Variants in IFT57 observed in about 807,000 individuals in gnomAD.
IFT57 encodes intraflagellar transport 57, also known as intraflagellar transport protein 57 homolog.
A neutral mutation model predicts 56.8 loss-of-function variants in IFT57; 59 were observed. The observed-to-expected ratio is 1.04, with a 90% CI of 0.84 to 1.29. The LOEUF (loss-of-function observed/expected upper bound fraction) is 1.29, where lower values mean the gene tolerates loss of function less well. Ranked by LOEUF, IFT57 falls within the 50% of genes most tolerant of loss-of-function variation. IFT57 has a pLI of 0.00. For synonymous variants in IFT57, 209 were observed against 186.1 expected, an observed-to-expected ratio of 1.12 and a Z score of -1.00; for missense variants, 470 against 522.1, an observed-to-expected ratio of 0.90 and a Z score of 0.97.
chr3:108,203,712 C>T (rs2080292537), intron 5 of IFT57, among the ~76,000 whole-genome samples: 1 of 152,144 alleles, frequency 6.6e-6, no homozygotes, highest in Admixed American at 6.5e-5. Flanking sequence ...GAAAAAGCTC[C>T]TGCTCCAGTG....
intron 6 of IFT57, among the ~76,000 whole-genome samples, chr3:108,179,390 G>A (rs2080140340): frequency 6.6e-6 from 1 of 151,866 alleles, no homozygotes; most frequent in Non-Finnish European, 1.5e-5. Context: ...AGAAGGAGGT[G>A]CACATATCTA....
Position 108,161,325 on chromosome 3 carries a change from T to C in IFT57, c.*1152A>G, listed in dbSNP as rs371599797. On this transcript the variant is annotated 3_prime_UTR_variant, in exon 11 of 11. Transcript: ENST00000264538. ...ACACTTTCTCCTGTCTAAACTTATC[T>C]TAAACTAAAGAGAGGTCTAGTAAGG... 139 of 152,154 alleles carry C rather than the reference T, an allele frequency of 9.1e-4. 2 individuals carry two copies. Among genetic ancestry groups the C allele is most frequent in the African/African-American group, 3.2e-3 (132 of 41,524 alleles). 9.4% of individuals were successfully genotyped at this position (152,154 alleles called of 1,614,324 possible).
Position 108,219,434 on chromosome 3 carries a change from G to A in IFT57, c.351C>T (p.Asn117=), listed in dbSNP as rs759862251. ...EYDDPNATIS[N]ILSELRSFGR... is the part of the protein sequence containing the mutation. ...CAAATGACCGAAGCTCGGATAGTAT[G>A]TTAGATATTGTTGCATTAGGGTCAT... The change falls in exon 2 of 11, where the codon AAC becomes AAT. Residue 117 remains asparagine (N), a synonymous_variant. Coordinates refer to ENST00000264538, the MANE Select transcript of IFT57 (RefSeq NM_018010.4). The A allele has an allele frequency of 6.2e-7, 1 of 1,613,414 alleles. No homozygotes were observed. The highest frequency in any genetic ancestry group is 1.3e-5 in the African/African-American group (1 of 74,898).
chr3:108,180,447 A>AC (rs1318250684), intron 6 of IFT57, among the ~76,000 whole-genome samples: 2 of 151,966 alleles, frequency 1.3e-5, no homozygotes, highest in African/African-American at 4.8e-5. Context: ...ATGCTGAGTA[A>AC]CCACAGTGGA....
rs1015352622 is a variant in IFT57, at chr3:108,161,489, C to T, written c.*988G>A. ...TTAAAATTATTTTTGTTGTCCTAAA[C>T]ATAAAGCATTCTTATCAAATTTTCT... On this transcript the variant is annotated 3_prime_UTR_variant, in exon 11 of 11. Transcript: ENST00000264538. 9.2e-5 allele frequency: 14 copies of T among 151,680 alleles called. 1 individual carries two copies. In the South Asian group the frequency reaches 2.7e-3, roughly 29 times the overall value. The allele number at this position is 151,680 out of a possible 1,614,324, so 9.4% of individuals were successfully genotyped here. A position where few individuals can be genotyped will look rare whatever the true frequency, so the allele number is the denominator to read the frequency against.
At chr3:108,177,737 A>T (rs2108312581) in intron 6 of IFT57, among the ~76,000 whole-genome samples, 1 of 151,966 alleles carries the variant, frequency 6.6e-6, no homozygotes, top group Middle Eastern at 3.4e-3. Context: ...TTTCTAAAAG[A>T]CATAAAGATA....
intron 6 of IFT57, among the ~76,000 whole-genome samples, chr3:108,184,482 G>C (rs2080168851): frequency 6.6e-6 from 1 of 151,826 alleles, no homozygotes; most frequent in Non-Finnish European, 1.5e-5. Context: ...AATATACATA[G>C]ATACTAGTCT....
At chr3:108,212,456 G>T (rs1000769312) in intron 4 of IFT57, among the ~76,000 whole-genome samples, 4 of 151,966 alleles carry the variant, frequency 2.6e-5, no homozygotes, top group Non-Finnish European at 5.9e-5. Flanking sequence ...CTTCTTCTCT[G>T]GCCATGTGAG....
At chr3:108,185,576 T>TC (rs1326703543) in intron 6 of IFT57, among the ~76,000 whole-genome samples, 2 of 147,490 alleles carry the variant, frequency 1.4e-5, no homozygotes, top group Non-Finnish European at 3.0e-5. Flanking sequence ...TTTTTTTTTT[T>TC]TGAGATGGAG....
intron 6 of IFT57, among the ~76,000 whole-genome samples, chr3:108,184,881 A>C (rs2080172459): frequency 6.6e-6 from 1 of 152,162 alleles, no homozygotes; most frequent in Non-Finnish European, 1.5e-5. Context: ...CATGTTTAGC[A>C]TAAACCCTGA....
chr3:108,178,683 A>C (rs953169262), intron 6 of IFT57, among the ~76,000 whole-genome samples: 8 of 151,936 alleles, frequency 5.3e-5, no homozygotes, highest in African/African-American at 1.9e-4. Flanking sequence ...TTAAAATGAC[A>C]ATGAGATATC....
intron 6 of IFT57, among the ~76,000 whole-genome samples, chr3:108,168,874 T>C (rs774445397): frequency 2.0e-5 from 3 of 152,096 alleles, no homozygotes; most frequent in Non-Finnish European, 4.4e-5. Flanking sequence ...TGTGCCATAC[T>C]TTCTTTATTC....
chr3:108,190,000 G>C (rs2080206228), intron 6 of IFT57, among the ~76,000 whole-genome samples: 1 of 152,088 alleles, frequency 6.6e-6, no homozygotes, highest in African/African-American at 2.4e-5. Context: ...AGGAGTGGTT[G>C]GTCTTGCTGT....
At chr3:108,199,532 G>C (rs2080265406) in intron 5 of IFT57, among the ~76,000 whole-genome samples, 1 of 152,198 alleles carries the variant, frequency 6.6e-6, no homozygotes, top group Non-Finnish European at 1.5e-5. Flanking sequence ...GAGGAAAAAA[G>C]AGTTAAGTAC....
intron 4 of IFT57, among the ~76,000 whole-genome samples, chr3:108,210,649 G>C (rs895144027): frequency 1.3e-5 from 2 of 151,662 alleles, no homozygotes; most frequent in African/African-American, 4.8e-5. Flanking sequence ...TACCATCCTT[G>C]AGCAACGCCA....
At chr3:108,184,575 CTG>C (rs1282068128) in intron 6 of IFT57, among the ~76,000 whole-genome samples, 1 of 151,944 alleles carries the variant, frequency 6.6e-6, no homozygotes, top group Non-Finnish European at 1.5e-5. Flanking sequence ...CAAACACAGA[CTG>C]TATGTGGCAC....
At chr3:108,177,109 TA>T (rs1328098742) in intron 6 of IFT57, among the ~76,000 whole-genome samples, 1 of 151,820 alleles carries the variant, frequency 6.6e-6, no homozygotes, top group Admixed American at 6.6e-5. Context: ...GGATAATGGT[TA>T]GGGGAGACTT....
chr3:108,162,543 C>T lies in IFT57; in HGVS notation c.1224G>A (p.Glu408=). 6.2e-7 allele frequency: 1 copy of T among 1,612,456 alleles called. No homozygotes were observed. Among genetic ancestry groups the T allele is most frequent in the Non-Finnish European group, 8.5e-7 (1 of 1,178,908 alleles). The part of the protein sequence containing the change: ...EHTLLQSKLK[E]KSNMTRNMHA... ...GCATGTTCCTAGTCATGTTGGACTT[C>T]TCCTTCAGCTTTGATTGGAGTAGTG... The change falls in exon 11 of 11, where the codon GAG becomes GAA. Residue 408 remains glutamate, a synonymous_variant. Coordinates refer to ENST00000264538, the MANE Select transcript of IFT57 (RefSeq NM_018010.4).
At chr3:108,171,919 G>A (rs1012408455) in intron 6 of IFT57, among the ~76,000 whole-genome samples, 1 of 150,820 alleles carries the variant, frequency 6.6e-6, no homozygotes, top group Non-Finnish European at 1.5e-5. Context: ...CTCTTTGCCT[G>A]TTTCTCTCCA....
Sources: gnomAD v4.1 joint callset for allele counts (sites outside exome capture counted in the v4.1 genomes callset) on GRCh38, gnomAD v4.1.1 for gene constraint, MANE v1.5 for transcripts, NCBI Gene and HGNC (gene_info 2026-07-23, HGNC 2026-07-21) for gene names.